Variants in FRAS1 observed in about 807,000 individuals in gnomAD.
FRAS1 encodes Fraser extracellular matrix complex subunit 1.
Under a neutral mutation model 435.2 loss-of-function variants are expected in FRAS1, and 290 were observed. The ratio of observed to expected loss-of-function variants is 0.67; its 90% CI spans 0.61 to 0.73. The LOEUF (loss-of-function observed/expected upper bound fraction) is 0.73. Ranked by LOEUF, FRAS1 falls within the 30% of genes least tolerant of loss-of-function variation. FRAS1 has a pLI of 0.00. For synonymous variants in FRAS1, 1,800 were observed against 1,851.0 expected, an observed-to-expected ratio of 0.97 and a Z score of 0.71; for missense variants, 4,860 against 5,001.5, an observed-to-expected ratio of 0.97 and a Z score of 0.85.
intron 14 of FRAS1, among the ~76,000 whole-genome samples, chr4:78,288,246 T>C (rs564990758): frequency 6.6e-6 from 1 of 152,364 alleles, no homozygotes; most frequent in Admixed American, 6.5e-5. Flanking sequence ...GAAATTTTAA[T>C]TTGATGAAAT....
intron 69 of FRAS1, among the ~76,000 whole-genome samples, chr4:78,525,466 C>T (rs1193190584): frequency 2.0e-5 from 3 of 152,192 alleles, no homozygotes; most frequent in Admixed American, 6.5e-5. Flanking sequence ...AGCTGAGGTT[C>T]TACTGGTTCC....
intron 2 of FRAS1, among the ~76,000 whole-genome samples, chr4:78,128,048 C>G (rs1560538946): frequency 6.6e-6 from 1 of 151,952 alleles, no homozygotes; most frequent in Non-Finnish European, 1.5e-5. Context: ...TGATGGTTTC[C>G]AGTTTCATCC....
intron 59 of FRAS1, among the ~76,000 whole-genome samples, chr4:78,494,292 G>A (rs945445033): frequency 9.9e-5 from 15 of 151,934 alleles, no homozygotes; most frequent in Non-Finnish European, 1.8e-4. Flanking sequence ...TGTCTTAGTC[G>A]ATTTGCATTG....
rs566746960 is a variant in FRAS1, at chr4:78,162,261, C to T, written c.109-75249C>T. The stretch of plus-strand genomic sequence containing the variant: ...GATCCACAAGAAAAAGGTTTTTAAA[C>T]CAGTATACGTGGGATATAGCACTAA... On this transcript the variant is annotated intron_variant, in intron 2 of 73. Transcript: ENST00000512123. Among the ~76,000 whole-genome samples, 6 of 152,238 alleles carry T rather than the reference C, an allele frequency of 3.9e-5. No homozygotes were observed. In the South Asian group the frequency reaches 1.0e-3, roughly 26 times the overall value.
intron 2 of FRAS1, among the ~76,000 whole-genome samples, chr4:78,088,168 G>A (rs1303870847): frequency 6.6e-6 from 1 of 152,134 alleles, no homozygotes; most frequent in Non-Finnish European, 1.5e-5. Flanking sequence ...AGAAAAACAA[G>A]CAATGGGGAA....
chr4:78,301,519 GA>G (rs1290572852), intron 14 of FRAS1, among the ~76,000 whole-genome samples: 3 of 152,140 alleles, frequency 2.0e-5, no homozygotes, highest in African/African-American at 7.2e-5. Context: ...ATACTGGGGG[GA>G]AAGAGATAAA....
At position 78,445,884 on chromosome 4, in the gene FRAS1, T is replaced by A. The variant is rs1578329380; in HGVS notation, c.5856+172T>A. 7 of 1,341,254 alleles carry A rather than the reference T, an allele frequency of 5.2e-6. No homozygotes were observed. The East Asian group carries it at 1.3e-4, about 25-fold the overall frequency. 83.1% of individuals were successfully genotyped at this position (1,341,254 alleles called of 1,614,324 possible). A position where few individuals can be genotyped will look rare whatever the true frequency, so the allele number is the denominator to read the frequency against. On this transcript the variant is annotated intron_variant, in intron 42 of 73. Transcript: ENST00000512123. ...AATCTTGTAGAATTAAGGTTGGCAT[T>A]TGGGGAAGGCTTGAGTTAGAAATCT...
chr4:78,463,134 T>G (rs558943597), intron 47 of FRAS1, among the ~76,000 whole-genome samples: 13 of 152,312 alleles, frequency 8.5e-5, no homozygotes, highest in Non-Finnish European at 1.9e-4. Context: ...TCAGTCTTGA[T>G]TGGCACCTGG....
chr4:78,185,758 C>A (rs1722243145), intron 2 of FRAS1, among the ~76,000 whole-genome samples: 1 of 152,148 alleles, frequency 6.6e-6, no homozygotes, highest in African/African-American at 2.4e-5. Flanking sequence ...TGCAATTTGC[C>A]TACTTCTTGA....
chr4:78,188,740 G>A (rs1247284811), intron 2 of FRAS1, among the ~76,000 whole-genome samples: 1 of 152,154 alleles, frequency 6.6e-6, no homozygotes, highest in Non-Finnish European at 1.5e-5. Flanking sequence ...TTGAGCTCCA[G>A]ATTTTATATG....
chr4:78,501,419 G>T (rs1578360853), intron 61 of FRAS1, among the ~76,000 whole-genome samples: 1 of 152,086 alleles, frequency 6.6e-6, no homozygotes. Flanking sequence ...TAGTGCCGCA[G>T]TAAACATATG....
rs1451569698 is a variant in FRAS1, at chr4:78,521,526, T to C, written c.10544T>C (p.Ile3515Thr). ...TTCTCTCTGCTTTCCTGCCCAGGAA[T>C]CCAGACAGACAGCGTGCTCTCTGCA... is the stretch of plus-strand genomic sequence containing the variant. The part of the protein sequence containing the change: ...FYDTVLWRTG[I>T]QTDSVLSARL... The change falls in exon 68 of 74, where the codon ATC (isoleucine) becomes ACC (threonine). Residue 3515 changes from isoleucine (I) to threonine (T), a missense_variant. Transcript: ENST00000512123. 1.2e-6 allele frequency: 2 copies of C among 1,607,726 alleles called. No individual in the cohort carries two copies. The highest frequency in any genetic ancestry group is 8.5e-7 in the Non-Finnish European group (1 of 1,176,598).
At chr4:78,207,684 C>T (rs1001594082) in intron 2 of FRAS1, among the ~76,000 whole-genome samples, 2 of 152,070 alleles carry the variant, frequency 1.3e-5, no homozygotes, top group Non-Finnish European at 2.9e-5. Flanking sequence ...TTACAGGGAG[C>T]AGTTTGAAAA....
rs539430411 is a variant in FRAS1, at chr4:78,466,315, T to G, written c.7137T>G (p.Asp2379Glu). ...TCACCTCCACCTTCACCATGAAAGATATCTACCAGAACCGGGTCAGCTACA... is the reference window on the plus strand; with the variant it reads ...TCACCTCCACCTTCACCATGAAAGAGATCTACCAGAACCGGGTCAGCTACA... ...FHLTSTFTMK[D>E]IYQNRVSYSH... Residue 2379 changes from aspartate (D) to glutamate (E), a missense_variant, in exon 50 of 74, where the codon GAT becomes GAG. By Grantham distance (45) the Asp-to-Glu change is conservative. Transcript: ENST00000512123. 1 of 1,613,842 alleles carries G rather than the reference T, an allele frequency of 6.2e-7. No individual in the cohort carries two copies. The highest frequency in any genetic ancestry group is 1.1e-5 in the South Asian group (1 of 91,068).
At chr4:78,484,606 T>C (rs1023493820) in intron 58 of FRAS1, among the ~76,000 whole-genome samples, 8 of 152,218 alleles carry the variant, frequency 5.3e-5, no homozygotes, top group African/African-American at 1.9e-4. Context: ...GTTTTACATT[T>C]AGGTTTGTGA....
chr4:78,287,084 A>G (rs1192345974), intron 14 of FRAS1, among the ~76,000 whole-genome samples: 1 of 152,212 alleles, frequency 6.6e-6, no homozygotes, highest in East Asian at 1.9e-4. Flanking sequence ...GAGAGGCCTC[A>G]GGAAACTTAC....
At chr4:78,128,167 G>A (rs571337404) in intron 2 of FRAS1, among the ~76,000 whole-genome samples, 1 of 151,986 alleles carries the variant, frequency 6.6e-6, no homozygotes, top group African/African-American at 2.4e-5. Context: ...GGACATTTGG[G>A]TTGGTTCCAA....
intron 1 of FRAS1, among the ~76,000 whole-genome samples, chr4:78,059,874 TG>T (rs994955154): frequency 1.6e-4 from 4 of 25,002 alleles, no homozygotes; most frequent in African/African-American, 7.0e-4. Context: ...CACAGAAAGC[TG>T]GGGGTAGAGA....
intron 32 of FRAS1, 96 bp downstream of exon 32, chr4:78,413,181 TGCCTG>T (rs1158592043): frequency 1.6e-6 from 1 of 642,430 alleles, no homozygotes; most frequent in Non-Finnish European, 2.6e-6. Flanking sequence ...ATATAGTAAG[TGCCTG>T]GCCCAGATCA....
Sources: allele counts gnomAD v4.1 joint callset (sites outside exome capture counted in the v4.1 genomes callset), GRCh38; gene constraint gnomAD v4.1.1; transcripts MANE v1.5; gene names NCBI Gene and HGNC (gene_info 2026-07-23, HGNC 2026-07-21).